Variants in PPP2R3A observed in about 807,000 individuals in gnomAD.
The protein encoded by PPP2R3A is serine/threonine-protein phosphatase 2A regulatory subunit B'' subunit alpha.
In PPP2R3A, 80 loss-of-function variants were observed where a neutral mutation model predicts 106.9. The ratio of observed to expected loss-of-function variants is 0.75; its 90% CI spans 0.62 to 0.90. PPP2R3A has a LOEUF of 0.90. Ranked by LOEUF, PPP2R3A falls within the 40% of genes least tolerant of loss-of-function variation. PPP2R3A has a pLI of 0.00. For synonymous variants in PPP2R3A, 483 were observed against 468.3 expected (o/e 1.03, Z -0.41); for missense variants, 1,386 against 1,350.4 (o/e 1.03, Z -0.41).
chr3:136,083,115 A>T (rs1202308207), intron 8 of PPP2R3A, among the ~76,000 whole-genome samples: 1 of 152,168 alleles, frequency 6.6e-6, no homozygotes, highest in Admixed American at 6.5e-5. Flanking sequence ...CCTGGGCTCA[A>T]GCCATCCTAC....
chr3:136,063,440 A>G lies in PPP2R3A; in HGVS notation c.2470-7038A>G, dbSNP rs546051902. Among the ~76,000 whole-genome samples, 10 of 152,360 alleles carry G rather than the reference A, an allele frequency of 6.6e-5. No homozygotes were observed. The South Asian group carries it at 2.1e-3, about 32-fold the overall frequency. On this transcript the variant is annotated intron_variant, in intron 5 of 13. Transcript: ENST00000264977. ...GACAAATGGGATCTTTTTAAAGTAA[A>G]GAGCTTCTGCACAGCAAAAGAAACT... is the stretch of plus-strand genomic sequence containing the variant.
intron 1 of PPP2R3A, among the ~76,000 whole-genome samples, chr3:135,985,919 A>G (rs770080676): frequency 3.9e-5 from 6 of 152,170 alleles, no homozygotes; most frequent in African/African-American, 1.4e-4. Context: ...ATGAAAGGGA[A>G]TGACTTTGGG....
rs113934018 is a variant in PPP2R3A, at chr3:136,036,644, T to C, written c.2263-4215T>C. ...TTGGGTCCCACAGGAACAGTCCGCT[T>C]CCTTCAGGGGGTCTGTGGGTCTTCT... On this transcript the variant is annotated intron_variant, in intron 3 of 13. Transcript: ENST00000264977. 3.3e-5 allele frequency among the ~76,000 whole-genome samples: 5 copies of C among 152,278 alleles called. 1 individual carries two copies. The highest frequency in any genetic ancestry group is 1.2e-4 in the African/African-American group (5 of 41,550).
chr3:136,106,554 C>T (rs890272250), intron 13 of PPP2R3A: 8 of 513,796 alleles, frequency 1.6e-5, no homozygotes, highest in Non-Finnish European at 2.4e-5. Context: ...CACTGGAAAC[C>T]GAGATCACTG....
chr3:135,965,989 A>G (rs920519290), intron 1 of PPP2R3A, 140 bp downstream of exon 1: 3 of 153,110 alleles, frequency 2.0e-5, no homozygotes, highest in Non-Finnish European at 2.9e-5. Flanking sequence ...CGGCCTGGCC[A>G]GAGGGGCCAC....
intron 1 of PPP2R3A, among the ~76,000 whole-genome samples, chr3:135,990,259 G>C (rs564061396): frequency 4.6e-5 from 7 of 152,086 alleles, no homozygotes; most frequent in African/African-American, 1.4e-4. Flanking sequence ...TAGGTTCTTG[G>C]CCGTCCTCTA....
intron 2 of PPP2R3A, among the ~76,000 whole-genome samples, chr3:136,007,604 G>A (rs138000011): frequency 1.3e-5 from 2 of 151,544 alleles, no homozygotes; most frequent in Non-Finnish European, 3.0e-5. Flanking sequence ...TATTGTGGGG[G>A]CAGAAATCCC....
chr3:136,039,405 C>T (rs918219377), intron 3 of PPP2R3A, among the ~76,000 whole-genome samples: 4 of 152,168 alleles, frequency 2.6e-5, no homozygotes, highest in Admixed American at 6.5e-5. Context: ...TTATTACTTA[C>T]AGCAGCGGTC....
chr3:135,998,847 A>G (rs939164255), intron 1 of PPP2R3A, among the ~76,000 whole-genome samples: 1 of 152,246 alleles, frequency 6.6e-6, no homozygotes, highest in Non-Finnish European at 1.5e-5. Context: ...AAGTTATAGT[A>G]TGGTCCAAAT....
chr3:135,973,341 A>G (rs370881121), intron 1 of PPP2R3A, among the ~76,000 whole-genome samples: 19 of 152,314 alleles, frequency 1.2e-4, no homozygotes, highest in Middle Eastern at 6.8e-3. Flanking sequence ...CATGATTATT[A>G]TTGGCATGCC....
At chr3:136,090,801 G>A (rs768496520) in intron 10 of PPP2R3A, 134 bp downstream of exon 10, 19 of 637,316 alleles carry the variant, frequency 3.0e-5, no homozygotes, top group Middle Eastern at 3.0e-4. Flanking sequence ...AGTTTCTGCC[G>A]TCTCGGAGCT....
chr3:136,008,350 A>G (rs1400501521), intron 2 of PPP2R3A, among the ~76,000 whole-genome samples: 2 of 152,136 alleles, frequency 1.3e-5, no homozygotes, highest in Non-Finnish European at 2.9e-5. Flanking sequence ...ATAGGAAACC[A>G]TTCTCTCCTC....
intron 5 of PPP2R3A, chr3:136,055,888 C>T (rs770927959): frequency 1.2e-4 from 51 of 411,738 alleles, no homozygotes; most frequent in Non-Finnish European, 2.1e-4. Flanking sequence ...CGTAAATCAC[C>T]ATTCCTTAAG....
chr3:136,012,920 A>G (rs1934131524), intron 2 of PPP2R3A, among the ~76,000 whole-genome samples: 1 of 152,052 alleles, frequency 6.6e-6, no homozygotes, highest in Non-Finnish European at 1.5e-5. Context: ...ACTGTGCCTA[A>G]TGTATAGTCT....
At chr3:136,121,503 T>C (rs78662097) in intron 13 of PPP2R3A, among the ~76,000 whole-genome samples, 6,165 of 152,104 alleles carry the variant, frequency 0.041, 449 homozygotes, top group African/African-American at 0.14. Context: ...ACCTGGGTGG[T>C]GAAATCATGT....
rs761178473 is a variant in PPP2R3A at position 136,001,549 on chromosome 3, C to A, written c.51C>A (p.Ser17Arg). Reference protein sequence around the residue: ...LVVSTVNHYSSVVIDRRFEQA... With the variant: ...LVVSTVNHYSRVVIDRRFEQA... ...TTAGTACTGTGAACCACTACAGCAG[C>A]GTGGTGATAGACCGGCGTTTTGAAC... The change falls in exon 2 of 14, where the codon AGC becomes AGA. Residue 17 changes from serine (S) to arginine (R), a missense_variant. Transcript: ENST00000264977. 6.2e-7 allele frequency: 1 copy of A among 1,614,144 alleles called. No individual in the cohort carries two copies. The highest frequency in any genetic ancestry group is 8.5e-7 in the Non-Finnish European group (1 of 1,179,980).
In PPP2R3A at chr3:136,002,064, A is replaced by G. The variant is rs374526606; in HGVS notation, c.566A>G (p.His189Arg). ...TCAGTTGAGGAAAAACCTTTGTCTC[A>G]TAGAAACTCACTGGATACGAACCTG... ...SSSVEEKPLS[H>R]RNSLDTNLTS... The change falls in exon 2 of 14, where the codon CAT becomes CGT. Residue 189 changes from histidine to arginine, a missense_variant. Transcript: ENST00000264977. 1.7e-5 allele frequency: 28 copies of G among 1,613,944 alleles called. No individual in the cohort carries two copies. Among genetic ancestry groups the G allele is most frequent in the Non-Finnish European group, 2.3e-5 (27 of 1,180,002 alleles).
chr3:136,086,084 T>C (rs1291569916), intron 8 of PPP2R3A, among the ~76,000 whole-genome samples: 5 of 151,638 alleles, frequency 3.3e-5, no homozygotes, highest in African/African-American at 4.8e-5. Context: ...TGAGCCATGA[T>C]GGTGCTGCTA....
chr3:136,031,974 G>A (rs182077462), intron 3 of PPP2R3A, among the ~76,000 whole-genome samples: 21 of 152,202 alleles, frequency 1.4e-4, no homozygotes, highest in South Asian at 1.2e-3. Context: ...TTAGTCTTGC[G>A]TTGGCCATGC....
Sources: gnomAD v4.1 joint callset for allele counts (sites outside exome capture counted in the v4.1 genomes callset) on GRCh38, gnomAD v4.1.1 for gene constraint, MANE v1.5 for transcripts, NCBI Gene and HGNC (gene_info 2026-07-23, HGNC 2026-07-21) for gene names.